Variants in RTL6 observed in about 807,000 individuals in gnomAD.
RTL6 encodes retrotransposon Gag like 6.
A neutral mutation model predicts 12.4 loss-of-function variants in RTL6; 9 were observed. That is an observed-to-expected ratio of 0.73 (90% CI 0.44 to 1.27). RTL6 has a LOEUF of 1.27. RTL6 is among the 50% of genes most tolerant of loss of function. The pLI is 0.00. For missense variants in RTL6, 291 were observed against 330.7 expected, an observed-to-expected ratio of 0.88 and a Z score of 0.93; for synonymous variants, 160 against 142.8, an observed-to-expected ratio of 1.12 and a Z score of -0.86.
rs1218620579 is a variant in RTL6 at position 44,492,804 on chromosome 22, C to T, written c.*4033G>A. 6.6e-6 allele frequency: 1 copy of T among 152,154 alleles called. No homozygotes were observed. The highest frequency in any genetic ancestry group is 1.5e-5 in the Non-Finnish European group (1 of 68,024). 9.4% of individuals were successfully genotyped at this position (152,154 alleles called of 1,614,324 possible). A position where few individuals can be genotyped will look rare whatever the true frequency, so the allele number is the denominator to read the frequency against. ...CAAATATTTAGCCAGATGATAATTCCCAATACGGGCAAGATGGACATGTTT... is the reference window on the plus strand; with the variant it reads ...CAAATATTTAGCCAGATGATAATTCTCAATACGGGCAAGATGGACATGTTT... On this transcript the variant is annotated 3_prime_UTR_variant, in exon 2 of 2. Coordinates refer to ENST00000341255, the MANE Select transcript of RTL6 (RefSeq NM_032287.3).
In RTL6 at chr22:44,496,192, T is replaced by A. The variant is rs1341904806; in HGVS notation, c.*645A>T. The A allele has an allele frequency of 6.6e-6, 1 of 152,472 alleles. No homozygotes were observed. The highest frequency in any genetic ancestry group is 1.5e-5 in the Non-Finnish European group (1 of 68,252). The allele number at this position is 152,472 out of a possible 1,614,324, so 9.4% of individuals were successfully genotyped here. ...GTGAGAGCAGTGGGGCCTCCCAGAC[T>A]GCATATTCATGTGCAGAGTGGAACC... On this transcript the variant is annotated 3_prime_UTR_variant, in exon 2 of 2. Transcript: ENST00000341255.
rs1009526628 is a variant in RTL6, at chr22:44,493,899, C to A, written c.*2938G>T. The A allele has an allele frequency of 6.6e-6, 1 of 152,260 alleles. No individual in the cohort carries two copies. Among genetic ancestry groups the A allele is most frequent in the Non-Finnish European group, 1.5e-5 (1 of 68,078 alleles). The allele number at this position is 152,260 out of a possible 1,614,324, so 9.4% of individuals were successfully genotyped here. ...AGCGTGTGCGTCAGGCTGGTCCTGC[C>A]GCACTTTCTGGGTTTTGTTTTCCAC... On this transcript the variant is annotated 3_prime_UTR_variant, in exon 2 of 2. Coordinates refer to ENST00000341255, the MANE Select transcript of RTL6 (RefSeq NM_032287.3).
chr22:44,497,163 C>A lies in RTL6; in HGVS notation c.394G>T (p.Gly132Cys). The change falls in exon 2 of 2, where the codon GGT becomes TGT. Residue 132 changes from glycine (G) to cysteine (C), a missense_variant. By Grantham distance (159) the Gly-to-Cys change is radical (BLOSUM62 -3). Transcript: ENST00000341255. ...AGGAAGGCCACACGCTCGGCCTCAC[C>A]CGGGAAGCGGGAGGCCTGGAAGATC... Reference protein sequence around the residue: ...FMIFQASRFPGEAERVAFLVS... With the variant: ...FMIFQASRFPCEAERVAFLVS... The A allele has an allele frequency of 1.9e-6, 3 of 1,613,878 alleles. No individual in the cohort carries two copies. Among genetic ancestry groups the A allele is most frequent in the Non-Finnish European group, 2.5e-6 (3 of 1,179,786 alleles).
Position 44,497,522 on chromosome 22 carries a change from G to A in RTL6, c.35C>T (p.Pro12Leu), listed in dbSNP as rs768244496. ...GGCATTCGGAGACGCTGCCAAGGCT[G>A]GGCTTTCAGCTTTGGACGTCTGCGG... ...VQPQTSKAES[P>L]ALAASPNAQM... is the part of the protein sequence containing the mutation. Residue 12 changes from proline (P) to leucine (L), a missense_variant, in exon 2 of 2, where the codon CCA becomes CTA. By Grantham distance (98) the Pro-to-Leu change is moderately conservative. This residue lies in a region of RTL6 where 155 missense variants were observed against 149.2 expected (regional missense o/e 1.04). Transcript: ENST00000341255. The A allele has an allele frequency of 1.2e-6, 2 of 1,613,958 alleles. No individual in the cohort carries two copies. The highest frequency in any genetic ancestry group is 1.3e-5 in the African/African-American group (1 of 74,948).
chr22:44,496,969 A>G lies in RTL6; in HGVS notation c.588T>C (p.Asn196=), dbSNP rs894251131. 1.1e-5 allele frequency: 18 copies of G among 1,613,828 alleles called. No individual in the cohort carries two copies. The highest frequency in any genetic ancestry group is 2.2e-5 in the South Asian group (2 of 91,086). Residue 196 remains asparagine, a synonymous_variant, in exon 2 of 2, where the codon AAT becomes AAC. Transcript: ENST00000341255. ...RAQIRKTSAS[N]RAVRERQMLC... Reference sequence around the variant, plus strand: ...GCATCTGCCTCTCTCGCACAGCCCTATTAGAGGCAGAAGTCTTCCTGATTT... The same window carrying G: ...GCATCTGCCTCTCTCGCACAGCCCTGTTAGAGGCAGAAGTCTTCCTGATTT...
In RTL6 at chr22:44,493,960, C is replaced by G. The variant is rs979054713; in HGVS notation, c.*2877G>C. On this transcript the variant is annotated 3_prime_UTR_variant, in exon 2 of 2. Coordinates refer to ENST00000341255, the MANE Select transcript of RTL6 (RefSeq NM_032287.3). The stretch of plus-strand genomic sequence containing the variant: ...TGCTCATCACATACTTACCTGGGGA[C>G]AATGAAATAGGTCTTTGCTATTCCC... The G allele has an allele frequency of 2.0e-5, 3 of 152,214 alleles. No individual in the cohort carries two copies. The highest frequency in any genetic ancestry group is 1.5e-5 in the Non-Finnish European group (1 of 68,060). 9.4% of individuals were successfully genotyped at this position (152,214 alleles called of 1,614,324 possible).
rs183985189 is a variant in RTL6 at position 44,492,743 on chromosome 22, C to T, written c.*4094G>A. On this transcript the variant is annotated 3_prime_UTR_variant, in exon 2 of 2. Transcript: ENST00000341255. ...GTGCTAGAAGTCAGTGAAATGCCAA[C>T]TGAAACACGATGCTATTTTTTCATT... 53 of 152,314 alleles carry T rather than the reference C, an allele frequency of 3.5e-4. No homozygotes were observed. Among genetic ancestry groups the T allele is most frequent in the Admixed American group, 3.4e-3 (52 of 15,302 alleles). The allele number at this position is 152,314 out of a possible 1,614,324, so 9.4% of individuals were successfully genotyped here.
At position 44,495,888 on chromosome 22, in the gene RTL6, CA is replaced by C. The variant is rs1320142659; in HGVS notation, c.*948del. 6.6e-6 allele frequency: 1 copy of C among 152,478 alleles called. No individual in the cohort carries two copies. Among genetic ancestry groups the C allele is most frequent in the East Asian group, 1.9e-4 (1 of 5,196 alleles). The allele number at this position is 152,478 out of a possible 1,614,324, so 9.4% of individuals were successfully genotyped here. ...GCTGGGCAAGGCTCGCCATCAGTGA[CA>C]GGGGGTAGAAGCAGGAGTGACTGAG... On this transcript the variant is annotated 3_prime_UTR_variant, in exon 2 of 2. Transcript: ENST00000341255.
At chr22:44,497,892 G>C (rs1924502266) in intron 1 of RTL6, 81 bp from the exon 2 acceptor site, 1 of 232,406 alleles carries the variant, frequency 4.3e-6, no homozygotes, top group African/African-American at 2.3e-5. Flanking sequence ...TGGAGGGCCC[G>C]CGCGTGGGTG....
At position 44,492,718 on chromosome 22, in the gene RTL6, G is replaced by A. The variant is rs79055758; in HGVS notation, c.*4119C>T. 193 of 152,318 alleles carry A rather than the reference G, an allele frequency of 1.3e-3. No homozygotes were observed. Among genetic ancestry groups the A allele is most frequent in the African/African-American group, 4.2e-3 (176 of 41,580 alleles). The allele number at this position is 152,318 out of a possible 1,614,324, so 9.4% of individuals were successfully genotyped here. Reference sequence around the variant, plus strand: ...CGCTCCACATGAAAGATGTTCAACCGTGCTAGAAGTCAGTGAAATGCCAAC... The same window carrying A: ...CGCTCCACATGAAAGATGTTCAACCATGCTAGAAGTCAGTGAAATGCCAAC... On this transcript the variant is annotated 3_prime_UTR_variant, in exon 2 of 2. Transcript: ENST00000341255.
chr22:44,497,465 G>C lies in RTL6; in HGVS notation c.92C>G (p.Ser31Cys), dbSNP rs1286012086. 1 of 1,614,106 alleles carries C rather than the reference G, an allele frequency of 6.2e-7. No homozygotes were observed. The highest frequency in any genetic ancestry group is 2.2e-5 in the East Asian group (1 of 44,888). The change falls in exon 2 of 2, where the codon TCC (serine) becomes TGC (cysteine). Residue 31 changes from serine to cysteine, a missense_variant. By Grantham distance (112) the Ser-to-Cys change is moderately radical. Transcript: ENST00000341255. ...QMDDVIDTLT[S>C]LRLTNSALRR... ...CAGCGCCGAGTTGGTGAGGCGCAGG[G>C]AGGTCAGGGTGTCAATAACGTCATC...
chr22:44,494,510 G>C lies in RTL6; in HGVS notation c.*2327C>G, dbSNP rs986399952. The C allele has an allele frequency of 6.6e-6, 1 of 152,262 alleles. No individual in the cohort carries two copies. The highest frequency in any genetic ancestry group is 2.4e-5 in the African/African-American group (1 of 41,454). 9.4% of individuals were successfully genotyped at this position (152,262 alleles called of 1,614,324 possible). On this transcript the variant is annotated 3_prime_UTR_variant, in exon 2 of 2. Coordinates refer to ENST00000341255, the MANE Select transcript of RTL6 (RefSeq NM_032287.3). ...GTTCCAAAGTGCAGGGAGCTATCAAGAAGGTCCTAAGTGCATACCAGCACT... is the reference window on the plus strand; with the variant it reads ...GTTCCAAAGTGCAGGGAGCTATCAACAAGGTCCTAAGTGCATACCAGCACT...
Position 44,495,342 on chromosome 22 carries a change from A to C in RTL6, c.*1495T>G, listed in dbSNP as rs1924413958. 6.5e-6 allele frequency: 1 copy of C among 152,674 alleles called. No individual in the cohort carries two copies. The highest frequency in any genetic ancestry group is 2.4e-5 in the African/African-American group (1 of 41,456). 9.5% of individuals were successfully genotyped at this position (152,674 alleles called of 1,614,324 possible). On this transcript the variant is annotated 3_prime_UTR_variant, in exon 2 of 2. Transcript: ENST00000341255. ...TATACATGTCTTTAGGTGGGTGCGG[A>C]GGTTGTCCTTCTGCAATCAAGCCAA...
chr22:44,494,627 T>C lies in RTL6; in HGVS notation c.*2210A>G, dbSNP rs1326741469. ...AGCAGCTGCTTGGATTGGGTGCCCA[T>C]AGGCAGAGGGCCCGGCTGCAGTTGT... On this transcript the variant is annotated 3_prime_UTR_variant, in exon 2 of 2. Transcript: ENST00000341255. 1.3e-5 allele frequency: 2 copies of C among 152,632 alleles called. No individual in the cohort carries two copies. Among genetic ancestry groups the C allele is most frequent in the African/African-American group, 4.8e-5 (2 of 41,458 alleles). 9.5% of individuals were successfully genotyped at this position (152,632 alleles called of 1,614,324 possible). A position where few individuals can be genotyped will look rare whatever the true frequency, so the allele number is the denominator to read the frequency against.
chr22:44,497,264 G>A lies in RTL6; in HGVS notation c.293C>T (p.Pro98Leu). Residue 98 changes from proline (P) to leucine (L), a missense_variant, in exon 2 of 2, where the codon CCA becomes CTA. By Grantham distance (98) the Pro-to-Leu change is moderately conservative. Coordinates refer to ENST00000341255, the MANE Select transcript of RTL6 (RefSeq NM_032287.3). ...GGAAAAGGGCTCGGGCAGAGAGGTT[G>A]GAGGTGTGGTCATGGGTCGAGTCCC... Reference protein sequence around the residue: ...SNGTRPMTTPPTSLPEPFSGD... With the variant: ...SNGTRPMTTPLTSLPEPFSGD... The A allele has an allele frequency of 6.2e-7, 1 of 1,614,246 alleles. No homozygotes were observed.
chr22:44,496,582 G>A lies in RTL6; in HGVS notation c.*255C>T, dbSNP rs1924453094. 3.9e-6 allele frequency: 2 copies of A among 513,324 alleles called. No homozygotes were observed. Among genetic ancestry groups the A allele is most frequent in the Non-Finnish European group, 6.8e-6 (2 of 292,912 alleles). 31.8% of individuals were successfully genotyped at this position (513,324 alleles called of 1,614,324 possible). A position where few individuals can be genotyped will look rare whatever the true frequency, so the allele number is the denominator to read the frequency against. Reference sequence around the variant, plus strand: ...AGAGCGGTAGTCATTGAAACAGGCCGGGATGCCAGCAAGAGGGAGGCGAGC... The same window carrying A: ...AGAGCGGTAGTCATTGAAACAGGCCAGGATGCCAGCAAGAGGGAGGCGAGC... On this transcript the variant is annotated 3_prime_UTR_variant, in exon 2 of 2. Coordinates refer to ENST00000341255, the MANE Select transcript of RTL6 (RefSeq NM_032287.3).
chr22:44,497,132 G>A lies in RTL6; in HGVS notation c.425C>T (p.Ser142Phe). 6.2e-7 allele frequency: 1 copy of A among 1,614,144 alleles called. No homozygotes were observed. Among genetic ancestry groups the A allele is most frequent in the Non-Finnish European group, 8.5e-7 (1 of 1,179,958 alleles). Residue 142 changes from serine to phenylalanine, a missense_variant, in exon 2 of 2, where the codon TCT (serine) becomes TTT (phenylalanine). Coordinates refer to ENST00000341255, the MANE Select transcript of RTL6 (RefSeq NM_032287.3). The part of the protein sequence containing the change: ...GEAERVAFLV[S>F]RLTGEAEKWA... The stretch of plus-strand genomic sequence containing the variant: ...CTTCTCCGCCTCCCCAGTCAGTCGA[G>A]ACACAAGGAAGGCCACACGCTCGGC...
rs773822911 is a variant in RTL6, at chr22:44,497,391, T to C, written c.166A>G (p.Met56Val). The change falls in exon 2 of 2, where the codon ATG (methionine) becomes GTG (valine). Residue 56 changes from methionine to valine, a missense_variant. Transcript: ENST00000341255. ...LRAEKANLTNMLESVMAELTL... is the reference protein window; with the variant it reads ...LRAEKANLTNVLESVMAELTL... ...AGCTCTGCCATCACGCTCTCCAGCA[T>C]GTTGGTGAGATTGGCCTTCTCCGCC... 6 of 1,613,910 alleles carry C rather than the reference T, an allele frequency of 3.7e-6. No homozygotes were observed. The East Asian group carries it at 1.1e-4, about 30-fold the overall frequency.
rs375295492 is a variant in RTL6, at chr22:44,497,798, A to T, written c.-242T>A. 6 of 584,534 alleles carry T rather than the reference A, an allele frequency of 1.0e-5. No individual in the cohort carries two copies. In the African/African-American group the frequency reaches 1.1e-4, roughly 11 times the overall value. 36.2% of individuals were successfully genotyped at this position (584,534 alleles called of 1,614,324 possible). The stretch of plus-strand genomic sequence containing the variant: ...ACTACGGAGCCAGACGGGTGGCTGG[A>T]CCTGCTCTGGGCCCTGGAGGATTAA... On this transcript the variant is annotated 5_prime_UTR_variant, in exon 2 of 2. Coordinates refer to ENST00000341255, the MANE Select transcript of RTL6 (RefSeq NM_032287.3).
Sources: allele counts gnomAD v4.1 joint callset, GRCh38; gene constraint gnomAD v4.1.1; regional missense constraint gnomAD v4.1.1; transcripts MANE v1.5; gene names NCBI Gene and HGNC (gene_info 2026-07-23, HGNC 2026-07-21).